CDH12: variants seen among roughly 807,000 people sequenced by gnomAD.
CDH12 encodes cadherin-12.
A neutral mutation model predicts 74.1 loss-of-function variants in CDH12; 41 were observed. That is an observed-to-expected ratio of 0.55 (90% CI 0.43 to 0.72). The LOEUF is 0.72. CDH12 is among the 30% of genes least tolerant of loss of function. The pLI is 0.00. For missense variants in CDH12, 945 were observed against 977.2 expected, an observed-to-expected ratio of 0.97 and a Z score of 0.44; for synonymous variants, 399 against 355.0, an observed-to-expected ratio of 1.12 and a Z score of -1.39.
At chr5:22,427,177 T>A (rs1216719949) in intron 2 of CDH12, among the ~76,000 whole-genome samples, 2 of 151,502 alleles carry the variant, frequency 1.3e-5, no homozygotes, top group Non-Finnish European at 2.9e-5. Flanking sequence ...AAGGGAATAC[T>A]TTTTTTTTGA....
In CDH12 at chr5:22,521,333, TG is replaced by T. The variant is rs1348818057; in HGVS notation, c.-522-15970del. Among the ~76,000 whole-genome samples the T allele has an allele frequency of 4.6e-5, 7 of 152,068 alleles. No homozygotes were observed. The South Asian group carries it at 1.4e-3, about 31-fold the overall frequency. The stretch of plus-strand genomic sequence containing the variant: ...TATTTTATTAGTCTTATGGTAGTTC[TG>T]AAGTTTGTATATATAATGTTTAACA... On this transcript the variant is annotated intron_variant, in intron 1 of 14. Coordinates refer to ENST00000382254, the MANE Select transcript of CDH12 (RefSeq NM_004061.5).
chr5:22,189,391 C>A (rs1404091974), intron 4 of CDH12, among the ~76,000 whole-genome samples: 2 of 151,918 alleles, frequency 1.3e-5, no homozygotes, highest in East Asian at 3.9e-4. Context: ...TTTTAAAAAT[C>A]AATAACATTA....
chr5:21,774,666 A>G (rs1579676531), intron 11 of CDH12, among the ~76,000 whole-genome samples: 1 of 152,316 alleles, frequency 6.6e-6, no homozygotes, highest in Non-Finnish European at 1.5e-5. Flanking sequence ...ATAGTTTTAT[A>G]TAGTTACTTG....
intron 9 of CDH12, among the ~76,000 whole-genome samples, chr5:21,807,852 G>A (rs1747519616): frequency 6.6e-6 from 1 of 152,038 alleles, no homozygotes; most frequent in Non-Finnish European, 1.5e-5. Flanking sequence ...AAAATAAGTT[G>A]TGCATATATA....
intron 1 of CDH12, among the ~76,000 whole-genome samples, chr5:22,819,913 A>G (rs1159355506): frequency 6.8e-6 from 1 of 148,070 alleles, no homozygotes; most frequent in East Asian, 1.9e-4. Flanking sequence ...AGATATTTAA[A>G]TATATATTTA....
In CDH12 at chr5:22,211,907, T is replaced by C. The variant is rs181289899; in HGVS notation, c.-187+591A>G. On this transcript the variant is annotated intron_variant, in intron 4 of 14. Coordinates refer to ENST00000382254, the MANE Select transcript of CDH12 (RefSeq NM_004061.5). Reference sequence around the variant, plus strand: ...AAATCCACTTCTGTTGAATAAGTACTATAAATTATATGAATGGTACAATAA... The same window carrying C: ...AAATCCACTTCTGTTGAATAAGTACCATAAATTATATGAATGGTACAATAA... Among the ~76,000 whole-genome samples, 11 of 152,258 alleles carry C rather than the reference T, an allele frequency of 7.2e-5. No individual in the cohort carries two copies. The East Asian group carries it at 2.1e-3, about 29-fold the overall frequency.
At chr5:22,257,481 T>TTTTA (rs71609758) in intron 3 of CDH12, among the ~76,000 whole-genome samples, 5,459 of 144,984 alleles carry the variant, frequency 0.038, 116 homozygotes, top group South Asian at 0.088. Context: ...TATTTTTTAT[T>TTTTA]TTTATTTATT....
At position 21,752,128 on chromosome 5, in the gene CDH12, C is replaced by T; in HGVS notation, c.1994G>A (p.Gly665Asp). The T allele has an allele frequency of 6.2e-7, 1 of 1,614,102 alleles. No individual in the cohort carries two copies. The highest frequency in any genetic ancestry group is 2.2e-5 in the East Asian group (1 of 44,874). The change falls in exon 15 of 15, where the codon GGT becomes GAT. Residue 665 changes from glycine (G) to aspartate (D), a missense_variant. Gly to Asp is a moderately conservative substitution (Grantham distance 94). Coordinates refer to ENST00000382254, the MANE Select transcript of CDH12 (RefSeq NM_004061.5). ...DNVIHYDDEG[G>D]GEEDTQAFDI... The stretch of plus-strand genomic sequence containing the variant: ...GAAAGCCTGGGTATCTTCCTCCCCA[C>T]CTCCTTCATCATCGTAATGGATGAC...
In CDH12 at chr5:22,553,040, T is replaced by C. The variant is rs1458031419; in HGVS notation, c.-522-47676A>G. ...TTTCTACTTGTTTGTTTCCAATAAATGCCTACAAAACCTCAAAAGGTACTT... is the reference window on the plus strand; with the variant it reads ...TTTCTACTTGTTTGTTTCCAATAAACGCCTACAAAACCTCAAAAGGTACTT... On this transcript the variant is annotated intron_variant, in intron 1 of 14. Coordinates refer to ENST00000382254, the MANE Select transcript of CDH12 (RefSeq NM_004061.5). Among the ~76,000 whole-genome samples, 3 of 152,116 alleles carry C rather than the reference T, an allele frequency of 2.0e-5. No individual in the cohort carries two copies. The East Asian group carries it at 5.8e-4, about 29-fold the overall frequency.
intron 3 of CDH12, among the ~76,000 whole-genome samples, chr5:22,289,146 C>A (rs945656031): frequency 6.6e-6 from 1 of 152,276 alleles, no homozygotes; most frequent in South Asian, 2.1e-4. Flanking sequence ...GAAGCATTTT[C>A]TTTGAGCCTT....
intron 4 of CDH12, among the ~76,000 whole-genome samples, chr5:22,159,440 T>A (rs1748200845): frequency 1.3e-5 from 2 of 152,124 alleles, no homozygotes; most frequent in South Asian, 4.1e-4. Flanking sequence ...TGGCAGCATG[T>A]TTTTCTGCCA....
intron 4 of CDH12, among the ~76,000 whole-genome samples, chr5:22,200,337 C>G (rs1750858513): frequency 6.6e-6 from 1 of 152,062 alleles, no homozygotes; most frequent in Admixed American, 6.5e-5. Context: ...CTCCCCTATA[C>G]TAAATATCAT....
At chr5:22,672,991 C>T (rs1740984062) in intron 1 of CDH12, among the ~76,000 whole-genome samples, 2 of 152,076 alleles carry the variant, frequency 1.3e-5, no homozygotes, top group Admixed American at 1.3e-4. Flanking sequence ...GCTGTAATCT[C>T]TATCTTTCTG....
intron 3 of CDH12, among the ~76,000 whole-genome samples, chr5:22,280,017 T>A (rs563096757): frequency 1.1e-3 from 168 of 152,294 alleles, no homozygotes; most frequent in Middle Eastern, 6.8e-3. Flanking sequence ...TTCCTATTTC[T>A]CCACATCCTC....
chr5:22,111,044 G>A (rs756169306), intron 4 of CDH12, among the ~76,000 whole-genome samples: 4 of 152,112 alleles, frequency 2.6e-5, no homozygotes, highest in Non-Finnish European at 5.9e-5. Flanking sequence ...CCTTGAGTGC[G>A]CAACCATGGA....
chr5:22,652,211 T>A (rs1739781190), intron 1 of CDH12, among the ~76,000 whole-genome samples: 1 of 152,128 alleles, frequency 6.6e-6, no homozygotes, highest in South Asian at 2.1e-4. Flanking sequence ...ACAGATTAAT[T>A]AATTCATTAT....
intron 5 of CDH12, among the ~76,000 whole-genome samples, chr5:22,027,603 G>C (rs1316007509): frequency 6.6e-6 from 1 of 152,162 alleles, no homozygotes; most frequent in Non-Finnish European, 1.5e-5. Flanking sequence ...TATTTGCGTA[G>C]AGGTGTTTGT....
chr5:21,805,653 G>A (rs1300199229), intron 9 of CDH12, among the ~76,000 whole-genome samples: 1 of 152,124 alleles, frequency 6.6e-6, no homozygotes, highest in African/African-American at 2.4e-5. Flanking sequence ...AAGAGAACCA[G>A]CAGTGATCTG....
chr5:22,271,605 T>C (rs1205301304), intron 3 of CDH12, among the ~76,000 whole-genome samples: 1 of 152,222 alleles, frequency 6.6e-6, no homozygotes, highest in East Asian at 1.9e-4. Context: ...TATGAAACTA[T>C]AGCCTTATGT....
Sources: allele counts gnomAD v4.1 joint callset (sites outside exome capture counted in the v4.1 genomes callset), GRCh38; gene constraint gnomAD v4.1.1; transcripts MANE v1.5; gene names NCBI Gene and HGNC (gene_info 2026-07-23, HGNC 2026-07-21).